Variants in RGS6 observed in about 807,000 individuals in gnomAD.
RGS6 encodes regulator of G-protein signaling 6.
RGS6 carries 30 observed loss-of-function variants against 78.5 expected under a neutral mutation model. The observed-to-expected ratio is 0.38, with a 90% CI of 0.29 to 0.52. The LOEUF is 0.52. Among genes scored for constraint, RGS6 ranks in the 20% least tolerant of loss-of-function variants. The pLI is 0.85. For missense variants in RGS6, 495 were observed against 609.7 expected (o/e 0.81, Z 1.98); for synonymous variants, 206 against 206.0 (o/e 1.00, Z 0.00).
In RGS6 at chr14:72,347,577, G is replaced by A. The variant is rs188846485; in HGVS notation, c.85-4518G>A. Among the ~76,000 whole-genome samples the A allele has an allele frequency of 2.1e-3, 312 of 152,162 alleles. 3 individuals are homozygous for A. The highest frequency in any genetic ancestry group is 7.2e-3 in the African/African-American group (299 of 41,506). On this transcript the variant is annotated intron_variant, in intron 2 of 17. Coordinates refer to ENST00000553525, the MANE Select transcript of RGS6 (RefSeq NM_001204424.2). ...CTTTGTTCTCTTGTCTATAAAATGG[G>A]GATATAATAATCTACCTCCTGTGAG...
intron 2 of RGS6, among the ~76,000 whole-genome samples, chr14:72,212,168 A>G (rs1172208972): frequency 6.6e-6 from 1 of 152,036 alleles, no homozygotes; most frequent in Non-Finnish European, 1.5e-5. Flanking sequence ...TACCCTCCAG[A>G]CTCCTCAATT....
At chr14:72,132,840 T>G (rs1482970892) in intron 2 of RGS6, among the ~76,000 whole-genome samples, 1 of 151,958 alleles carries the variant, frequency 6.6e-6, no homozygotes, top group Non-Finnish European at 1.5e-5. Context: ...GAAAAACTCT[T>G]TGAGGCCAGA....
At chr14:72,533,565 A>C (rs2097208713) in intron 15 of RGS6, among the ~76,000 whole-genome samples, 2 of 152,226 alleles carry the variant, frequency 1.3e-5, no homozygotes, top group Admixed American at 1.3e-4. Flanking sequence ...AAAGTAAATC[A>C]AAACCCTTCT....
chr14:72,186,266 G>A (rs913539452), intron 2 of RGS6, among the ~76,000 whole-genome samples: 1 of 152,192 alleles, frequency 6.6e-6, no homozygotes, highest in African/African-American at 2.4e-5. Flanking sequence ...CTGCTATCCT[G>A]ACCTATGTTA....
intron 3 of RGS6, among the ~76,000 whole-genome samples, chr14:72,390,593 A>C (rs2089703561): frequency 6.6e-6 from 1 of 152,214 alleles, no homozygotes; most frequent in Non-Finnish European, 1.5e-5. Context: ...TCACACACAC[A>C]CACACAAATG....
At chr14:72,034,925 A>T (rs2091460267) in intron 2 of RGS6, among the ~76,000 whole-genome samples, 1 of 152,168 alleles carries the variant, frequency 6.6e-6, no homozygotes, top group South Asian at 2.1e-4. Context: ...GAAAATATTA[A>T]ATGGAAAATT....
chr14:71,991,085 G>A (rs182932712), intron 2 of RGS6, among the ~76,000 whole-genome samples: 1 of 152,278 alleles, frequency 6.6e-6, no homozygotes, highest in East Asian at 1.9e-4. Flanking sequence ...GCACCAAGTA[G>A]GTGATAAATA....
Position 72,562,958 on chromosome 14 carries a change from G to A in RGS6, c.*491G>A, listed in dbSNP as rs144749201. 2.8e-5 allele frequency: 17 copies of A among 615,482 alleles called. No homozygotes were observed. Among genetic ancestry groups the A allele is most frequent in the African/African-American group, 2.6e-4 (14 of 54,744 alleles). 38.1% of individuals were successfully genotyped at this position (615,482 alleles called of 1,614,324 possible). A position where few individuals can be genotyped will look rare whatever the true frequency, so the allele number is the denominator to read the frequency against. On this transcript the variant is annotated 3_prime_UTR_variant, in exon 18 of 18. Coordinates refer to ENST00000553525, the MANE Select transcript of RGS6 (RefSeq NM_001204424.2). ...TTACAGCCACTACATCCCCACCGCC[G>A]CCTGTCATCCCTCACGTCTCTGTGG...
At chr14:72,221,116 C>A (rs2046765785) in intron 2 of RGS6, among the ~76,000 whole-genome samples, 1 of 152,146 alleles carries the variant, frequency 6.6e-6, no homozygotes, top group African/African-American at 2.4e-5. Context: ...GAAGTCAGAT[C>A]CCAGTGTGTC....
chr14:72,216,554 A>G (rs1216116876), intron 2 of RGS6, among the ~76,000 whole-genome samples: 1 of 152,240 alleles, frequency 6.6e-6, no homozygotes, highest in African/African-American at 2.4e-5. Context: ...CAATTTAAAG[A>G]TCATTTCACT....
At chr14:71,982,378 C>T (rs2094508529) in intron 2 of RGS6, among the ~76,000 whole-genome samples, 1 of 152,168 alleles carries the variant, frequency 6.6e-6, no homozygotes, top group South Asian at 2.1e-4. Flanking sequence ...TCATTTACGG[C>T]TCTAGGACAA....
chr14:72,225,611 G>A (rs895759821), intron 2 of RGS6, among the ~76,000 whole-genome samples: 1 of 152,124 alleles, frequency 6.6e-6, no homozygotes, highest in African/African-American at 2.4e-5. Flanking sequence ...TTACAGGCAT[G>A]AGCCACCACG....
chr14:72,428,667 C>A (rs1335667616), intron 3 of RGS6, among the ~76,000 whole-genome samples: 1 of 152,196 alleles, frequency 6.6e-6, no homozygotes, highest in Non-Finnish European at 1.5e-5. Context: ...CATGTAACAA[C>A]TGAAGAGCAG....
rs116989440 is a variant in RGS6, at chr14:72,544,347, G to A, written c.1422+4253G>A. On this transcript the variant is annotated intron_variant, in intron 17 of 17. Transcript: ENST00000553525. ...GAAGTTAGGAGAAAATGGCAGCCCCGAGTGAGGCTGGTGTCAGCCTCCCTG... is the reference window on the plus strand; with the variant it reads ...GAAGTTAGGAGAAAATGGCAGCCCCAAGTGAGGCTGGTGTCAGCCTCCCTG... Among the ~76,000 whole-genome samples the A allele has an allele frequency of 4.7e-3, 722 of 152,326 alleles. 3 individuals are homozygous for A. Among genetic ancestry groups the A allele is most frequent in the Non-Finnish European group, 7.2e-3 (488 of 68,032 alleles).
the RGS6 span, among the ~76,000 whole-genome samples, chr14:72,579,459 C>G: frequency 6.6e-6 from 1 of 152,202 alleles, no homozygotes; most frequent in Non-Finnish European, 1.5e-5. Flanking sequence ...ACAGCTCTAT[C>G]AAGGGGCTAT....
intron 2 of RGS6, among the ~76,000 whole-genome samples, chr14:72,053,085 C>CTTCT (rs2093420928): frequency 3.4e-5 from 1 of 29,106 alleles, no homozygotes; most frequent in African/African-American, 1.2e-4. Context: ...CCCTCCCTTC[C>CTTCT]TTCCTTCCTT....
intron 2 of RGS6, among the ~76,000 whole-genome samples, chr14:72,243,385 C>G (rs1457935378): frequency 2.6e-5 from 4 of 151,994 alleles, no homozygotes; most frequent in Non-Finnish European, 5.9e-5. Flanking sequence ...TTTGAACATC[C>G]CTTGGCAGCT....
At chr14:72,215,742 C>A (rs957511150) in intron 2 of RGS6, among the ~76,000 whole-genome samples, 5 of 152,202 alleles carry the variant, frequency 3.3e-5, no homozygotes, top group Admixed American at 1.3e-4. Flanking sequence ...CAGGCTAAGA[C>A]CTAATGCTTG....
At chr14:72,249,160 A>T (rs1318599372) in intron 2 of RGS6, among the ~76,000 whole-genome samples, 9 of 152,112 alleles carry the variant, frequency 5.9e-5, no homozygotes, top group Non-Finnish European at 1.2e-4. Context: ...AAACCTCTAG[A>T]GTAGATCTAA....
Sources: allele counts gnomAD v4.1 joint callset (sites outside exome capture counted in the v4.1 genomes callset), GRCh38; gene constraint gnomAD v4.1.1; transcripts MANE v1.5; gene names NCBI Gene and HGNC (gene_info 2026-07-23, HGNC 2026-07-21).